Variants in ZNF800 observed in about 807,000 individuals in gnomAD.
ZNF800 encodes zinc finger protein 800.
A neutral mutation model predicts 59.5 loss-of-function variants in ZNF800; 13 were observed. That is an observed-to-expected ratio of 0.22 (90% CI 0.14 to 0.35). The LOEUF is 0.35. Among genes scored for constraint, ZNF800 ranks in the 10% least tolerant of loss-of-function variants. The probability of loss-of-function intolerance (pLI) is 1.00; values close to 1 mark genes in which losing one functional copy is unlikely to be tolerated. For synonymous variants in ZNF800, 266 were observed against 265.7 expected (o/e 1.00, Z -0.01); for missense variants, 621 against 783.7 (o/e 0.79, Z 2.48).
chr7:127,392,545 A>C lies in ZNF800; in HGVS notation c.-544T>G, dbSNP rs1057454. The C allele has an allele frequency of 0.64, 185,339 of 291,178 alleles. 60,056 individuals are homozygous for C. The highest frequency in any genetic ancestry group is 0.88 in the East Asian group (15,541 of 17,612). 18.0% of individuals were successfully genotyped at this position (291,178 alleles called of 1,614,324 possible). Reference sequence around the variant, plus strand: ...GCGGAGAAAAATGGGGGTCTCCCCCAACCTTGGGCCTTTTCGGTGGTAGTT... The same window carrying C: ...GCGGAGAAAAATGGGGGTCTCCCCCCACCTTGGGCCTTTTCGGTGGTAGTT... On this transcript the variant is annotated 5_prime_UTR_variant, in exon 1 of 6. Coordinates refer to ENST00000265827, the MANE Select transcript of ZNF800 (RefSeq NM_176814.5).
intron 4 of ZNF800, among the ~76,000 whole-genome samples, chr7:127,376,364 CAA>C (rs919178784): frequency 3.9e-4 from 60 of 151,906 alleles, no homozygotes; most frequent in African/African-American, 1.3e-3. Context: ...TGTAAGTCAA[CAA>C]AGAGTTAAAT....
chr7:127,352,471 A>G (rs1471276808), intron 1 of ZNF800, among the ~76,000 whole-genome samples: 1 of 152,226 alleles, frequency 6.6e-6, no homozygotes, highest in Non-Finnish European at 1.5e-5. Context: ...ATATTGAACA[A>G]TATCTGGTCT....
downstream of ZNF800, among the ~76,000 whole-genome samples, chr7:127,369,346 C>T (rs1202202428): frequency 6.6e-6 from 1 of 152,080 alleles, no homozygotes; most frequent in Non-Finnish European, 1.5e-5. Flanking sequence ...CTGTAATCCT[C>T]ACTATAACAA....
chr7:127,382,431 A>G (rs12706782), intron 3 of ZNF800, among the ~76,000 whole-genome samples: 17,925 of 152,176 alleles, frequency 0.12, 1,188 homozygotes, highest in Middle Eastern at 0.26. Context: ...TTGGGGAGAG[A>G]GGTCAAAGAG....
At chr7:127,391,847 G>C (rs1801330449) in intron 1 of ZNF800, among the ~76,000 whole-genome samples, 1 of 151,932 alleles carries the variant, frequency 6.6e-6, no homozygotes, top group South Asian at 2.1e-4. Flanking sequence ...CAGGGCGAAG[G>C]CCTGGCCGGC....
At chr7:127,346,975 C>G (rs374922149) in exon 2 of ZNF800, 1 of 152,504 alleles carries the variant, frequency 6.6e-6, no homozygotes, top group Non-Finnish European at 1.5e-5. Context: ...CCACCAACAC[C>G]CCGTGCTGTG....
chr7:127,385,582 T>C (rs1235862982), intron 3 of ZNF800, among the ~76,000 whole-genome samples: 4 of 152,130 alleles, frequency 2.6e-5, no homozygotes, highest in African/African-American at 9.7e-5. Flanking sequence ...CTATTAAAGA[T>C]ACCAAAACTC....
downstream of ZNF800, among the ~76,000 whole-genome samples, chr7:127,365,968 T>C (rs1435090813): frequency 6.6e-6 from 1 of 152,130 alleles, no homozygotes. Context: ...GGTATTGTGC[T>C]AAGTACACTA....
At chr7:127,384,434 CCGT>C (rs1446820723) in intron 3 of ZNF800, among the ~76,000 whole-genome samples, 5 of 151,488 alleles carry the variant, frequency 3.3e-5, no homozygotes, top group Non-Finnish European at 7.4e-5. Flanking sequence ...CGGAGTTTCA[CCGT>C]GTTAGCCAGG....
chr7:127,348,655 T>G (rs1393141200), intron 1 of ZNF800, among the ~76,000 whole-genome samples: 1 of 152,248 alleles, frequency 6.6e-6, no homozygotes, highest in African/African-American at 2.4e-5. Flanking sequence ...ACACGACACA[T>G]CACATATGTA....
chr7:127,382,084 C>G (rs1800993687), intron 3 of ZNF800, among the ~76,000 whole-genome samples: 1 of 152,152 alleles, frequency 6.6e-6, no homozygotes, highest in African/African-American at 2.4e-5. Flanking sequence ...CCTGCATGTA[C>G]TGCTCTAGCA....
intron 1 of ZNF800, among the ~76,000 whole-genome samples, chr7:127,357,879 C>A (rs575228578): frequency 2.6e-4 from 39 of 151,742 alleles, no homozygotes; most frequent in Non-Finnish European, 5.0e-4. Flanking sequence ...TCAGAGCTAG[C>A]CAAATACCTG....
rs969735788 is a variant in ZNF800 at position 127,392,102 on chromosome 7, G to A, written c.-101C>T. 2.0e-5 allele frequency: 8 copies of A among 392,738 alleles called. No individual in the cohort carries two copies. The Middle Eastern group carries it at 1.9e-3, about 93-fold the overall frequency. 24.3% of individuals were successfully genotyped at this position (392,738 alleles called of 1,614,324 possible). On this transcript the variant is annotated 5_prime_UTR_variant, in exon 1 of 6. Transcript: ENST00000265827. ...CCGGCGGGCGGGCGGAAGGAAGGAA[G>A]GCAGGCCGGGCGGCCGCGGGGACAG...
At position 127,373,346 on chromosome 7, in the gene ZNF800, C is replaced by T; in HGVS notation, c.1990G>A (p.Val664Ile). 1 of 1,582,952 alleles carries T rather than the reference C, an allele frequency of 6.3e-7. No homozygotes were observed. The highest frequency in any genetic ancestry group is 8.6e-7 in the Non-Finnish European group (1 of 1,165,584). ...KGRSTRSKAL[V>I] ...ACTCTGTTAACTGTTCCTCACCAGACAAGAGCCTTAGATCTTGTACTTCGG... is the reference window on the plus strand; with the variant it reads ...ACTCTGTTAACTGTTCCTCACCAGATAAGAGCCTTAGATCTTGTACTTCGG... Residue 664 changes from valine to isoleucine, a missense_variant, in exon 5 of 6, where the codon GTC becomes ATC. Val to Ile is a conservative substitution (Grantham distance 29). This residue lies in a region of ZNF800 where 94 missense variants were observed against 108.5 expected (regional missense o/e 0.87). Transcript: ENST00000265827.
downstream of ZNF800, among the ~76,000 whole-genome samples, chr7:127,345,641 C>T (rs954745377): frequency 6.6e-6 from 1 of 151,980 alleles, no homozygotes; most frequent in African/African-American, 2.4e-5. Context: ...GGAGCATAGA[C>T]GGGGGTGGAA....
chr7:127,353,158 T>C (rs1245260563), intron 1 of ZNF800, among the ~76,000 whole-genome samples: 2 of 152,236 alleles, frequency 1.3e-5, no homozygotes, highest in Non-Finnish European at 2.9e-5. Context: ...AGAATAAATA[T>C]AAAAATATTT....
At position 127,374,189 on chromosome 7, in the gene ZNF800, T is replaced by C; in HGVS notation, c.1147A>G (p.Lys383Glu). The C allele has an allele frequency of 6.2e-7, 1 of 1,614,134 alleles. No homozygotes were observed. Among genetic ancestry groups the C allele is most frequent in the East Asian group, 2.2e-5 (1 of 44,880 alleles). Reference protein sequence around the residue: ...MLKRHMQIVHKITLSGTNSKR... With the variant: ...MLKRHMQIVHEITLSGTNSKR... The stretch of plus-strand genomic sequence containing the variant: ...GAGTTTGTTCCAGAAAGAGTTATCT[T>C]GTGGACAATTTGCATATGTCTTTTA... The change falls in exon 5 of 6, where the codon AAG becomes GAG. Residue 383 changes from lysine to glutamate, a missense_variant. This residue lies in a region of ZNF800 where 185 missense variants were observed against 177.6 expected (regional missense o/e 1.04). Coordinates refer to ENST00000265827, the MANE Select transcript of ZNF800 (RefSeq NM_176814.5).
At chr7:127,358,700 C>T (rs1800331337) in intron 1 of ZNF800, among the ~76,000 whole-genome samples, 1 of 152,098 alleles carries the variant, frequency 6.6e-6, no homozygotes, top group Non-Finnish European at 1.5e-5. Context: ...ATAAGTCTTT[C>T]CTAACTCCTC....
chr7:127,356,553 T>C (rs1765936844), intron 1 of ZNF800, among the ~76,000 whole-genome samples: 2 of 151,606 alleles, frequency 1.3e-5, no homozygotes, highest in Non-Finnish European at 1.5e-5. Flanking sequence ...AATGAGAATA[T>C]AGAGGCTTGC....
Sources: allele counts gnomAD v4.1 joint callset (sites outside exome capture counted in the v4.1 genomes callset), GRCh38; gene constraint gnomAD v4.1.1; regional missense constraint gnomAD v4.1.1; transcripts MANE v1.5; gene names NCBI Gene and HGNC (gene_info 2026-07-23, HGNC 2026-07-21).